The following IL1RAPL2 variants were observed in gnomAD, a reference collection of about 807,000 sequenced individuals.
IL1RAPL2 encodes the protein interleukin 1 receptor accessory protein like 2, also known as X-linked interleukin-1 receptor accessory protein-like 2.
IL1RAPL2 carries 3 observed loss-of-function variants against 44.1 expected under a neutral mutation model. The ratio of observed to expected loss-of-function variants is 0.07; its 90% confidence interval spans 0.03 to 0.18. The LOEUF is 0.18. Ranked by LOEUF, IL1RAPL2 falls within the 10% of genes least tolerant of loss-of-function variation. The pLI is 1.00. For missense variants in IL1RAPL2, 391 were observed against 496.4 expected (o/e 0.79, Z 2.02); for synonymous variants, 181 against 178.8 (o/e 1.01, Z -0.10).
intron 2 of IL1RAPL2, among the ~76,000 whole-genome samples, chrX:105,049,820 A>G (rs1192156151): frequency 9.0e-6 from 1 of 111,393 alleles, no homozygotes; most frequent in East Asian, 2.8e-4. Context: ...TGCACTTTGA[A>G]TAATGAATCC....
chrX:105,508,461 A>G (rs2036446378), intron 6 of IL1RAPL2, among the ~76,000 whole-genome samples: 1 of 110,844 alleles, frequency 9.0e-6, no homozygotes, highest in South Asian at 3.8e-4. Context: ...TATCAAATCA[A>G]TACATAACTG....
At chrX:105,031,814 G>C (rs1402760682) in intron 2 of IL1RAPL2, among the ~76,000 whole-genome samples, 2 of 109,709 alleles carry the variant, frequency 1.8e-5, no homozygotes, top group Non-Finnish European at 3.9e-5. Flanking sequence ...GTTTCAGAAG[G>C]AAACTCTTCT....
chrX:104,798,909 C>G (rs1932868001), intron 2 of IL1RAPL2, among the ~76,000 whole-genome samples: 1 of 111,106 alleles, frequency 9.0e-6, no homozygotes, highest in South Asian at 3.8e-4. Context: ...ATAATGAAAA[C>G]ATGTCCACAT....
rs770929424 is a variant in IL1RAPL2, at chrX:105,767,618, C to T, written c.2018C>T (p.Pro673Leu). The change falls in exon 11 of 11, where the codon CCT becomes CTT. Residue 673 changes from proline (P) to leucine (L), a missense_variant. By Grantham distance (98) the Pro-to-Leu change is moderately conservative (BLOSUM62 -3). Coordinates refer to ENST00000372582, the MANE Select transcript of IL1RAPL2 (RefSeq NM_017416.2). ...QEFHRNSSLL[P>L]LSSKELSFTS... is the part of the protein sequence containing the mutation. ...TTTCACAGGAACAGTTCTTTGCTGC[C>T]TTTATCCTCCAAAGAGCTTAGCTTT... The T allele has an allele frequency of 1.7e-6, 2 of 1,209,897 alleles. No homozygotes were observed. Among genetic ancestry groups the T allele is most frequent in the South Asian group, 3.5e-5 (2 of 56,896 alleles).
At chrX:104,946,326 T>C (rs1361569919) in intron 2 of IL1RAPL2, among the ~76,000 whole-genome samples, 1 of 75,803 alleles carries the variant, frequency 1.3e-5, no homozygotes, top group African/African-American at 5.1e-5. Flanking sequence ...TGAGCCGAGA[T>C]TGCGCCACTG....
chrX:104,851,905 G>A (rs1404086183), intron 2 of IL1RAPL2, among the ~76,000 whole-genome samples: 1 of 111,422 alleles, frequency 9.0e-6, no homozygotes, highest in Non-Finnish European at 1.9e-5. Context: ...AATTAATCCA[G>A]TCTTTTGAGA....
intron 2 of IL1RAPL2, among the ~76,000 whole-genome samples, chrX:105,187,788 A>G (rs1172089088): frequency 9.0e-6 from 1 of 111,633 alleles, no homozygotes; most frequent in Non-Finnish European, 1.9e-5. Flanking sequence ...AGTAGGAATA[A>G]TTTCAGGATA....
At chrX:105,724,216 C>G (rs1329782134) in intron 7 of IL1RAPL2, among the ~76,000 whole-genome samples, 1 of 108,616 alleles carries the variant, frequency 9.2e-6, no homozygotes, top group Non-Finnish European at 1.9e-5. Context: ...AAAACAATAC[C>G]TAGTAAAAAA....
chrX:105,314,695 A>G (rs1281527912), intron 5 of IL1RAPL2, among the ~76,000 whole-genome samples: 1 of 112,068 alleles, frequency 8.9e-6, no homozygotes, highest in Admixed American at 9.5e-5. Flanking sequence ...GGATAAGGTC[A>G]GTAAGCCAAT....
chrX:104,655,095 A>G (rs1313818294), intron 1 of IL1RAPL2, among the ~76,000 whole-genome samples: 1 of 111,426 alleles, frequency 9.0e-6, no homozygotes, highest in African/African-American at 3.3e-5. Context: ...GGGTTTTCTA[A>G]ATGTACAATC....
At chrX:105,010,876 A>G (rs2031036825) in intron 2 of IL1RAPL2, among the ~76,000 whole-genome samples, 1 of 111,527 alleles carries the variant, frequency 9.0e-6, no homozygotes, top group African/African-American at 3.3e-5. Flanking sequence ...AAAAATCTCA[A>G]TTTATTTACA....
At chrX:104,897,051 C>G (rs1923673036) in intron 2 of IL1RAPL2, among the ~76,000 whole-genome samples, 2 of 112,078 alleles carry the variant, frequency 1.8e-5, no homozygotes, top group Admixed American at 1.9e-4. Flanking sequence ...AACTGTAACA[C>G]TCACCATGAG....
At chrX:105,083,495 CGACCCCAA>C (rs886843216) in intron 2 of IL1RAPL2, among the ~76,000 whole-genome samples, 1 of 110,364 alleles carries the variant, frequency 9.1e-6, no homozygotes, top group African/African-American at 3.3e-5. Context: ...TCAAGTAGAG[CGACCCCAA>C]GACACATAAT....
At chrX:104,885,390 A>C (rs1462725531) in intron 2 of IL1RAPL2, among the ~76,000 whole-genome samples, 1 of 111,855 alleles carries the variant, frequency 8.9e-6, no homozygotes, top group Admixed American at 9.5e-5. Flanking sequence ...GAATTATTCA[A>C]TGATGTCCAC....
Position 105,447,219 on chromosome X carries a change from AATATATATAAAT to A in IL1RAPL2, c.698-37078_698-37067del, listed in dbSNP as rs1281986460. ...TATAAATATATATAAATATATATAAAATATATATAAATATATATATAAATATAAATATATATA... is the reference window on the plus strand; with the variant it reads ...TATAAATATATATAAATATATATAAAATATATATAAATATAAATATATATA... On this transcript the variant is annotated intron_variant, in intron 5 of 10. Coordinates refer to ENST00000372582, the MANE Select transcript of IL1RAPL2 (RefSeq NM_017416.2). 2.5e-3 allele frequency among the ~76,000 whole-genome samples: 26 copies of A among 10,319 alleles called. 1 individual carries two copies. Among genetic ancestry groups the A allele is most frequent in the Non-Finnish European group, 2.7e-3 (23 of 8,462 alleles). 9.0% of individuals were successfully genotyped at this position (10,319 alleles called of 115,157 possible).
intron 2 of IL1RAPL2, among the ~76,000 whole-genome samples, chrX:105,060,116 T>C: frequency 9.0e-6 from 1 of 111,534 alleles, no homozygotes; most frequent in Non-Finnish European, 1.9e-5. Flanking sequence ...CAGCATTCAT[T>C]ATTATCTTGT....
At chrX:105,402,650 C>A (rs942270151) in intron 5 of IL1RAPL2, among the ~76,000 whole-genome samples, 1 of 111,457 alleles carries the variant, frequency 9.0e-6, no homozygotes, top group Admixed American at 9.6e-5. Context: ...AAATTAAAAT[C>A]TTGTACAGAT....
chrX:105,672,028 G>T (rs1258208406), intron 6 of IL1RAPL2, among the ~76,000 whole-genome samples: 1 of 111,050 alleles, frequency 9.0e-6, no homozygotes, highest in East Asian at 2.8e-4. Context: ...TCTTTGCTGG[G>T]ACTTTCTATT....
At chrX:104,690,822 C>T (rs150732747) in intron 2 of IL1RAPL2, among the ~76,000 whole-genome samples, 1,481 of 111,337 alleles carry the variant, frequency 0.013, 6 homozygotes, top group Non-Finnish European at 0.021. Flanking sequence ...TCTTGTTTGG[C>T]GAAGTGCAAC....
Sources: gnomAD v4.1 joint callset for allele counts (sites outside exome capture counted in the v4.1 genomes callset) on GRCh38, gnomAD v4.1.1 for gene constraint, MANE v1.5 for transcripts, NCBI Gene and HGNC (gene_info 2026-07-23, HGNC 2026-07-21) for gene names.